Variants in SGCZ observed in about 807,000 individuals in gnomAD.
The protein encoded by SGCZ is zeta-sarcoglycan.
SGCZ carries 40 observed loss-of-function variants against 41.3 expected under a neutral mutation model. That is an observed-to-expected ratio of 0.97 (90% CI 0.75 to 1.26). The LOEUF (loss-of-function observed/expected upper bound fraction) is 1.26. Among genes scored for constraint, SGCZ ranks in the 50% most tolerant of loss-of-function variants. The pLI is 0.00. For synonymous variants in SGCZ, 206 were observed against 137.5 expected (o/e 1.50, Z -3.49); for missense variants, 552 against 369.8 (o/e 1.49, Z -4.04).
intron 1 of SGCZ, among the ~76,000 whole-genome samples, chr8:14,625,588 GTTGTTT>G (rs1806428251): frequency 1.3e-5 from 2 of 151,930 alleles, no homozygotes; most frequent in Admixed American, 6.6e-5. Context: ...TGTTGTTGTT[GTTGTTT>G]TTGTTTTGTT....
chr8:14,267,495 T>C (rs1366851586), intron 3 of SGCZ, among the ~76,000 whole-genome samples: 6 of 152,110 alleles, frequency 3.9e-5, no homozygotes, highest in African/African-American at 1.2e-4. Flanking sequence ...GTTTAGGCTA[T>C]AGACATCATT....
intron 2 of SGCZ, among the ~76,000 whole-genome samples, chr8:14,440,731 G>A (rs867750366): frequency 1.3e-5 from 1 of 74,602 alleles, no homozygotes; most frequent in Non-Finnish European, 3.3e-5. Flanking sequence ...ACACGTATAT[G>A]TATATATGTA....
chr8:15,013,340 G>C (rs891303974), intron 1 of SGCZ, among the ~76,000 whole-genome samples: 1 of 152,152 alleles, frequency 6.6e-6, no homozygotes, highest in African/African-American at 2.4e-5. Flanking sequence ...TCATAAAGTT[G>C]TTATGGATGG....
At chr8:14,628,272 A>C (rs950624829) in intron 1 of SGCZ, among the ~76,000 whole-genome samples, 1 of 152,096 alleles carries the variant, frequency 6.6e-6, no homozygotes, top group African/African-American at 2.4e-5. Context: ...TAAATATTGT[A>C]TACATCTCTT....
At chr8:14,471,141 G>A (rs769856204) in intron 2 of SGCZ, among the ~76,000 whole-genome samples, 1 of 151,846 alleles carries the variant, frequency 6.6e-6, no homozygotes, top group African/African-American at 2.4e-5. Context: ...TTTATAACTT[G>A]GGCTTTCTTC....
chr8:15,038,730 G>A (rs1402534437), intron 1 of SGCZ, among the ~76,000 whole-genome samples: 1 of 138,238 alleles, frequency 7.2e-6, no homozygotes, highest in Non-Finnish European at 1.5e-5. Context: ...GTTAATATCC[G>A]AAATACATAA....
chr8:14,637,546 C>G (rs1238686612), intron 1 of SGCZ, among the ~76,000 whole-genome samples: 1 of 151,526 alleles, frequency 6.6e-6, no homozygotes, highest in Non-Finnish European at 1.5e-5. Context: ...TGTTTAGCTC[C>G]CACTTATAAG....
intron 1 of SGCZ, among the ~76,000 whole-genome samples, chr8:14,668,599 T>A (rs1393610101): frequency 1.3e-5 from 2 of 152,188 alleles, no homozygotes; most frequent in Non-Finnish European, 2.9e-5. Flanking sequence ...TTCCTCTATG[T>A]GTCTTATAAA....
rs189487266 is a variant in SGCZ, at chr8:14,205,084, G to A, written c.424+32508C>T. Reference sequence around the variant, plus strand: ...CTATACTATTGGTTTTCTCTCTGGAGAACCCTTTAATTAAGATAAATCCAC... The same window carrying A: ...CTATACTATTGGTTTTCTCTCTGGAAAACCCTTTAATTAAGATAAATCCAC... On this transcript the variant is annotated intron_variant, in intron 4 of 7. Transcript: ENST00000382080. 1.8e-4 allele frequency among the ~76,000 whole-genome samples: 28 copies of A among 152,162 alleles called. No individual in the cohort carries two copies. The East Asian group carries it at 5.0e-3, about 27-fold the overall frequency.
In SGCZ at chr8:15,097,797, C is replaced by CGT. The variant is rs1491178893; in HGVS notation, c.39+139786_39+139787dup. ...ATATATATACGTGTATATATATATA[C>CGT]GTGTATATATATATATACGTGTGTG... On this transcript the variant is annotated intron_variant, in intron 1 of 7. Transcript: ENST00000382080. Among the ~76,000 whole-genome samples, 19 of 108,692 alleles carry CGT rather than the reference C, an allele frequency of 1.7e-4. 1 individual carries two copies. The highest frequency in any genetic ancestry group is 8.1e-4 in the South Asian group (3 of 3,702). The allele number at this position is 108,692 out of a possible 152,430, so 71.3% of individuals were successfully genotyped here.
At chr8:14,190,058 G>C (rs1370708293) in intron 4 of SGCZ, among the ~76,000 whole-genome samples, 1 of 120,902 alleles carries the variant, frequency 8.3e-6, no homozygotes, top group East Asian at 2.6e-4. Flanking sequence ...TGTCACCCAG[G>C]CTGGAGTGCA....
chr8:15,110,628 G>A (rs182062699), intron 1 of SGCZ, among the ~76,000 whole-genome samples: 26 of 152,292 alleles, frequency 1.7e-4, no homozygotes, highest in Admixed American at 3.9e-4. Flanking sequence ...CCTTCCTAGG[G>A]CAGAGTGGGC....
chr8:14,432,596 C>G (rs548674792), intron 2 of SGCZ, among the ~76,000 whole-genome samples: 19 of 152,190 alleles, frequency 1.2e-4, no homozygotes, highest in Admixed American at 1.1e-3. Context: ...GTGATGGGTG[C>G]ACCAAAATCT....
At chr8:14,899,823 G>T (rs775299116) in intron 1 of SGCZ, among the ~76,000 whole-genome samples, 1 of 151,910 alleles carries the variant, frequency 6.6e-6, no homozygotes, top group Non-Finnish European at 1.5e-5. Flanking sequence ...AAAGAAAGAA[G>T]GGAGGAAGTG....
At chr8:14,328,802 T>C (rs4831575) in intron 2 of SGCZ, among the ~76,000 whole-genome samples, 151,569 of 152,316 alleles carry the variant, frequency 1, 75,420 homozygotes, top group Middle Eastern at 1. Context: ...TTTAAGACAT[T>C]ATTAGGCCAG....
At chr8:14,176,317 T>G (rs1449161422) in intron 4 of SGCZ, among the ~76,000 whole-genome samples, 2 of 152,180 alleles carry the variant, frequency 1.3e-5, no homozygotes, top group Non-Finnish European at 2.9e-5. Context: ...ACAAAACTTT[T>G]TATCTGGCCA....
intron 7 of SGCZ, among the ~76,000 whole-genome samples, chr8:14,097,153 T>G (rs200889811): frequency 1.3e-5 from 2 of 152,102 alleles, no homozygotes; most frequent in Non-Finnish European, 2.9e-5. Context: ...AATTTGTTTG[T>G]TCTTGCTTCT....
chr8:14,593,955 A>G (rs1056574407), intron 1 of SGCZ, among the ~76,000 whole-genome samples: 2 of 152,024 alleles, frequency 1.3e-5, no homozygotes, highest in African/African-American at 4.8e-5. Flanking sequence ...TTGGTGGATC[A>G]CTTGAGGTCA....
chr8:14,125,197 GTTGGCCAGGC>G (rs1278417582), intron 5 of SGCZ, among the ~76,000 whole-genome samples: 2 of 152,062 alleles, frequency 1.3e-5, no homozygotes, highest in East Asian at 3.9e-4. Flanking sequence ...AATCACTATT[GTTGGCCAGGC>G]GTGGTGGCTC....
Sources: gnomAD v4.1 joint callset for allele counts (sites outside exome capture counted in the v4.1 genomes callset) on GRCh38, gnomAD v4.1.1 for gene constraint, MANE v1.5 for transcripts, NCBI Gene and HGNC (gene_info 2026-07-23, HGNC 2026-07-21) for gene names.